SGCZ: variants seen among roughly 807,000 people sequenced by gnomAD.
SGCZ encodes the protein sarcoglycan zeta, also known as zeta-sarcoglycan.
In SGCZ, 40 loss-of-function variants were observed where a neutral mutation model predicts 41.3. The ratio of observed to expected loss-of-function variants is 0.97; its 90% CI spans 0.75 to 1.26. The LOEUF is 1.26. SGCZ is among the 50% of genes most tolerant of loss of function. The pLI is 0.00. For missense variants in SGCZ, 552 were observed against 369.8 expected, an observed-to-expected ratio of 1.49 and a Z score of -4.04; for synonymous variants, 206 against 137.5, an observed-to-expected ratio of 1.50 and a Z score of -3.49.
chr8:14,558,306 G>A (rs576349041), intron 1 of SGCZ, among the ~76,000 whole-genome samples: 69 of 152,188 alleles, frequency 4.5e-4, no homozygotes, highest in African/African-American at 1.6e-3. Flanking sequence ...TGGGCACAGT[G>A]GTTCACACCT....
chr8:14,100,334 G>A (rs1283553332), intron 7 of SGCZ, among the ~76,000 whole-genome samples: 1 of 150,968 alleles, frequency 6.6e-6, no homozygotes, highest in Non-Finnish European at 1.5e-5. Context: ...ATTCTTATAT[G>A]GGGCAAAATA....
intron 2 of SGCZ, among the ~76,000 whole-genome samples, chr8:14,549,706 C>T (rs1803741890): frequency 6.6e-6 from 1 of 152,000 alleles, no homozygotes. Context: ...TCTAATACAA[C>T]ATAGTAAATC....
At chr8:14,559,881 C>T (rs192586291) in intron 1 of SGCZ, among the ~76,000 whole-genome samples, 1 of 152,134 alleles carries the variant, frequency 6.6e-6, no homozygotes, top group East Asian at 1.9e-4. Flanking sequence ...TTAAAACTGA[C>T]CATAAAGCTT....
rs577244676 is a variant in SGCZ at position 14,344,748 on chromosome 8, T to C, written c.235-20544A>G. On this transcript the variant is annotated intron_variant, in intron 2 of 7. Transcript: ENST00000382080. ...TTAAATTACTGAATGAAACAGTCAATTGTGGTTTTATACATGAGACCAGCT... is the reference window on the plus strand; with the variant it reads ...TTAAATTACTGAATGAAACAGTCAACTGTGGTTTTATACATGAGACCAGCT... Among the ~76,000 whole-genome samples, 6 of 152,250 alleles carry C rather than the reference T, an allele frequency of 3.9e-5. No homozygotes were observed. The South Asian group carries it at 1.2e-3, about 32-fold the overall frequency.
At chr8:14,421,304 C>G (rs184627985) in intron 2 of SGCZ, among the ~76,000 whole-genome samples, 13 of 152,136 alleles carry the variant, frequency 8.5e-5, no homozygotes, top group Admixed American at 5.2e-4. Context: ...TCTTCCTTCT[C>G]TTTATTATAT....
At chr8:14,263,884 A>C (rs2117242103) in intron 3 of SGCZ, among the ~76,000 whole-genome samples, 1 of 152,338 alleles carries the variant, frequency 6.6e-6, no homozygotes, top group South Asian at 2.1e-4. Context: ...AGAGGGAAGT[A>C]ATTGCAGGAC....
intron 6 of SGCZ, among the ~76,000 whole-genome samples, chr8:14,103,904 T>C (rs1283992736): frequency 6.6e-6 from 1 of 152,144 alleles, no homozygotes; most frequent in Non-Finnish European, 1.5e-5. Context: ...ATGTCAAAAT[T>C]TGAATGTTAA....
intron 1 of SGCZ, among the ~76,000 whole-genome samples, chr8:14,954,347 C>T (rs1177297805): frequency 3.9e-5 from 6 of 152,144 alleles, no homozygotes; most frequent in Non-Finnish European, 5.9e-5. Context: ...ATGTGGCAGA[C>T]AGACTCTATC....
intron 1 of SGCZ, among the ~76,000 whole-genome samples, chr8:14,670,649 A>G (rs141413091): frequency 6.6e-6 from 1 of 152,322 alleles, no homozygotes; most frequent in Non-Finnish European, 1.5e-5. Flanking sequence ...AACACAATGT[A>G]TAATATTAAG....
intron 2 of SGCZ, among the ~76,000 whole-genome samples, chr8:14,508,758 A>G (rs1802382146): frequency 6.6e-6 from 1 of 152,176 alleles, no homozygotes; most frequent in African/African-American, 2.4e-5. Flanking sequence ...TAGTTTTAAT[A>G]GGCTTTACCG....
At chr8:14,215,812 TA>T (rs1246273968) in intron 4 of SGCZ, among the ~76,000 whole-genome samples, 1 of 152,096 alleles carries the variant, frequency 6.6e-6, no homozygotes, top group East Asian at 1.9e-4. Context: ...CCCATAACCT[TA>T]AATAAGAGTG....
chr8:14,568,871 G>A (rs555621013), intron 1 of SGCZ, among the ~76,000 whole-genome samples: 2 of 152,148 alleles, frequency 1.3e-5, no homozygotes. Context: ...GGATGAATAT[G>A]TGCAGAAAGA....
chr8:14,659,877 T>C (rs938396473), intron 1 of SGCZ, among the ~76,000 whole-genome samples: 10 of 152,154 alleles, frequency 6.6e-5, no homozygotes, highest in Admixed American at 3.9e-4. Context: ...CTATTACAGG[T>C]CACACTTTAG....
intron 2 of SGCZ, among the ~76,000 whole-genome samples, chr8:14,466,242 G>T (rs1038117251): frequency 2.6e-5 from 4 of 151,888 alleles, no homozygotes; most frequent in Non-Finnish European, 5.9e-5. Context: ...GTTGGATAAA[G>T]GATTCTTGGT....
chr8:14,626,177 A>G (rs1390350962), intron 1 of SGCZ, among the ~76,000 whole-genome samples: 1 of 151,920 alleles, frequency 6.6e-6, no homozygotes, highest in Non-Finnish European at 1.5e-5. Flanking sequence ...ATGTTCTAAG[A>G]TACTTGTGCA....
At chr8:14,739,087 T>C (rs760081079) in intron 1 of SGCZ, among the ~76,000 whole-genome samples, 4 of 152,032 alleles carry the variant, frequency 2.6e-5, no homozygotes, top group Non-Finnish European at 4.4e-5. Flanking sequence ...ATTTAATACC[T>C]ATATGTTGTT....
intron 1 of SGCZ, among the ~76,000 whole-genome samples, chr8:14,677,889 T>C (rs1019500254): frequency 7.9e-5 from 12 of 152,218 alleles, no homozygotes; most frequent in Non-Finnish European, 2.9e-5. Context: ...CTGATATTTA[T>C]CTGACCCTAG....
intron 3 of SGCZ, among the ~76,000 whole-genome samples, chr8:14,251,084 C>T (rs1017869972): frequency 7.2e-5 from 11 of 151,996 alleles, no homozygotes; most frequent in African/African-American, 1.7e-4. Context: ...AAAAATTAGC[C>T]GGGTGCAGTG....
chr8:14,811,127 G>C (rs192019016), intron 1 of SGCZ, among the ~76,000 whole-genome samples: 1 of 151,996 alleles, frequency 6.6e-6, no homozygotes, highest in Non-Finnish European at 1.5e-5. Flanking sequence ...ATAGAACACA[G>C]AAATAAACTG....
Sources: gnomAD v4.1 joint callset for allele counts (sites outside exome capture counted in the v4.1 genomes callset) on GRCh38, gnomAD v4.1.1 for gene constraint, MANE v1.5 for transcripts, NCBI Gene and HGNC (gene_info 2026-07-23, HGNC 2026-07-21) for gene names.